Variants in CADPS observed in about 807,000 individuals in gnomAD.
CADPS encodes the protein calcium dependent secretion activator.
In CADPS, 57 loss-of-function variants were observed where a neutral mutation model predicts 167.3. That is an observed-to-expected ratio of 0.34 (90% CI 0.28 to 0.42). The LOEUF is 0.42. Among genes scored for constraint, CADPS ranks in the 20% least tolerant of loss-of-function variants. The probability of loss-of-function intolerance (pLI) is 1.00; values close to 1 mark genes in which losing one functional copy is unlikely to be tolerated. For synonymous variants in CADPS, 676 were observed against 635.3 expected (o/e 1.06, Z -0.96); for missense variants, 1,414 against 1,738.1 (o/e 0.81, Z 3.32).
chr3:62,790,799 A>G (rs1470677424), intron 1 of CADPS, among the ~76,000 whole-genome samples: 4 of 152,206 alleles, frequency 2.6e-5, no homozygotes, highest in Non-Finnish European at 5.9e-5. Flanking sequence ...TAACAAAGCT[A>G]CACATGGAGA....
chr3:62,812,835 G>A (rs1264713264), intron 1 of CADPS, among the ~76,000 whole-genome samples: 1 of 152,178 alleles, frequency 6.6e-6, no homozygotes, highest in East Asian at 1.9e-4. Context: ...ATTTATATAT[G>A]TGTAAGACCC....
chr3:62,808,799 C>T (rs67975136), intron 1 of CADPS, among the ~76,000 whole-genome samples: 27,794 of 152,076 alleles, frequency 0.18, 2,868 homozygotes, highest in Middle Eastern at 0.32. Flanking sequence ...AAGCACTAGA[C>T]TCTTAGATCC....
At chr3:62,716,873 GT>G in intron 3 of CADPS, among the ~76,000 whole-genome samples, 1 of 152,226 alleles carries the variant, frequency 6.6e-6, no homozygotes, top group African/African-American at 2.4e-5. Flanking sequence ...TACTTTCCTG[GT>G]GGTACACCTG....
At chr3:62,851,708 T>C (rs1211895423) in intron 1 of CADPS, among the ~76,000 whole-genome samples, 7 of 147,556 alleles carry the variant, frequency 4.7e-5, no homozygotes, top group African/African-American at 1.3e-4. Flanking sequence ...GCCCTTAACA[T>C]TTTTTCCTTC....
At chr3:62,715,226 G>T (rs2048063) in intron 3 of CADPS, among the ~76,000 whole-genome samples, 97,599 of 151,828 alleles carry the variant, frequency 0.64, 31,733 homozygotes, top group East Asian at 0.77. Context: ...ACCTACATGG[G>T]GCTTATTATA....
At chr3:62,670,479 G>A (rs1273290058) in intron 3 of CADPS, among the ~76,000 whole-genome samples, 2 of 152,090 alleles carry the variant, frequency 1.3e-5, no homozygotes, top group Non-Finnish European at 2.9e-5. Context: ...AGAAGACCTT[G>A]GGTAGGTCAA....
At chr3:62,536,988 A>G (rs2074812031) in intron 11 of CADPS, among the ~76,000 whole-genome samples, 1 of 152,118 alleles carries the variant, frequency 6.6e-6, no homozygotes, top group Non-Finnish European at 1.5e-5. Context: ...GTCTACAGCA[A>G]TTTCTCTGCA....
intron 6 of CADPS, among the ~76,000 whole-genome samples, chr3:62,615,215 G>A (rs1270379941): frequency 6.6e-6 from 1 of 152,164 alleles, no homozygotes; most frequent in Non-Finnish European, 1.5e-5. Flanking sequence ...AGTCATGAAG[G>A]AAGGAAAGAG....
At chr3:62,789,409 G>A (rs923506964) in intron 1 of CADPS, among the ~76,000 whole-genome samples, 11 of 152,218 alleles carry the variant, frequency 7.2e-5, no homozygotes, top group African/African-American at 2.7e-4. Context: ...AAGGGGAGTA[G>A]GAGTATGTGA....
Position 62,491,943 on chromosome 3 carries a change from T to C in CADPS, c.2884+347A>G, listed in dbSNP as rs193024193. Among the ~76,000 whole-genome samples the C allele has an allele frequency of 7.7e-3, 1,170 of 152,282 alleles. 13 individuals carry two copies. The highest frequency in any genetic ancestry group is 0.027 in the African/African-American group (1,111 of 41,566). On this transcript the variant is annotated intron_variant, in intron 20 of 29. Coordinates refer to ENST00000383710, the MANE Select transcript of CADPS (RefSeq NM_003716.4). ...TGAAATGCTTGACATGTTAGTCAGCTGGAAATTTTTTTTTCATCTAGAAAG... is the reference window on the plus strand; with the variant it reads ...TGAAATGCTTGACATGTTAGTCAGCCGGAAATTTTTTTTTCATCTAGAAAG...
intron 16 of CADPS, chr3:62,513,806 T>C: frequency 1.4e-6 from 1 of 724,498 alleles, no homozygotes; most frequent in South Asian, 1.7e-5. Flanking sequence ...CAAAGGAAAA[T>C]AGCCACAGAG....
intron 1 of CADPS, among the ~76,000 whole-genome samples, chr3:62,846,696 C>T (rs1237395757): frequency 1.3e-5 from 2 of 152,044 alleles, no homozygotes; most frequent in Non-Finnish European, 2.9e-5. Context: ...GAGACGGAGT[C>T]TTGCTGTGTC....
chr3:62,649,113 C>T (rs2069339235), intron 5 of CADPS, among the ~76,000 whole-genome samples: 1 of 152,164 alleles, frequency 6.6e-6, no homozygotes, highest in Non-Finnish European at 1.5e-5. Context: ...ATCAACTGCA[C>T]AGAAATTTGA....
intron 1 of CADPS, among the ~76,000 whole-genome samples, chr3:62,771,207 C>T (rs748968856): frequency 1.7e-4 from 26 of 152,142 alleles, no homozygotes; most frequent in African/African-American, 3.9e-4. Flanking sequence ...GAGCTCTCAA[C>T]GAATGTTTGC....
intron 3 of CADPS, among the ~76,000 whole-genome samples, chr3:62,738,940 C>A (rs1258729759): frequency 2.0e-5 from 3 of 152,078 alleles, no homozygotes; most frequent in African/African-American, 7.2e-5. Context: ...TATGCCAGGG[C>A]ATGTCAGCAA....
intron 3 of CADPS, among the ~76,000 whole-genome samples, chr3:62,687,950 T>C (rs891041165): frequency 6.6e-6 from 1 of 152,038 alleles, no homozygotes; most frequent in African/African-American, 2.4e-5. Flanking sequence ...GAAAAATTCC[T>C]AAAGTAAAAC....
intron 1 of CADPS, among the ~76,000 whole-genome samples, chr3:62,812,103 T>C (rs1212946984): frequency 6.6e-6 from 1 of 152,168 alleles, no homozygotes; most frequent in East Asian, 1.9e-4. Context: ...GCAAAATACA[T>C]AATTATATAC....
chr3:62,594,121 A>AT (rs879469661), intron 6 of CADPS, among the ~76,000 whole-genome samples: 11 of 144,054 alleles, frequency 7.6e-5, no homozygotes, highest in East Asian at 2.0e-4. Context: ...GCTCATTATG[A>AT]TTTTTTTTAT....
At chr3:62,671,910 A>C (rs1262346208) in intron 3 of CADPS, among the ~76,000 whole-genome samples, 2 of 152,072 alleles carry the variant, frequency 1.3e-5, no homozygotes, top group African/African-American at 4.8e-5. Flanking sequence ...CTACAGGTGC[A>C]TGCCACCACG....
Sources: gnomAD v4.1 joint callset for allele counts (sites outside exome capture counted in the v4.1 genomes callset) on GRCh38, gnomAD v4.1.1 for gene constraint, MANE v1.5 for transcripts, NCBI Gene and HGNC (gene_info 2026-07-23, HGNC 2026-07-21) for gene names.